Variants in PRDM10 observed in about 807,000 individuals in gnomAD.
PRDM10 encodes PR domain zinc finger protein 10.
Under a neutral mutation model 133.1 loss-of-function variants are expected in PRDM10, and 65 were observed. That is an observed-to-expected ratio of 0.49 (90% CI 0.40 to 0.60). PRDM10 has a LOEUF of 0.60. Ranked by LOEUF, PRDM10 falls within the 20% of genes least tolerant of loss-of-function variation. The pLI is 0.00. For synonymous variants in PRDM10, 582 were observed against 580.4 expected (o/e 1.00, Z -0.04); for missense variants, 1,137 against 1,507.1 (o/e 0.75, Z 4.07).
At chr11:129,930,995 C>A in intron 11 of PRDM10, 21 bp downstream of exon 11, 1 of 1,578,614 alleles carries the variant, frequency 6.3e-7, no homozygotes, top group East Asian at 2.3e-5. Context: ...GTGCCAGGAG[C>A]CGCCGGCTTT....
intron 1 of PRDM10, among the ~76,000 whole-genome samples, chr11:129,997,899 A>G (rs557586562): frequency 9.4e-4 from 143 of 152,224 alleles, no homozygotes; most frequent in Non-Finnish European, 1.7e-3. Context: ...CTAAAAAAAC[A>G]GACATCTACA....
chr11:129,975,444 A>G (rs557248443), intron 1 of PRDM10, among the ~76,000 whole-genome samples: 90 of 152,084 alleles, frequency 5.9e-4, no homozygotes, highest in Non-Finnish European at 1.0e-3. Context: ...AAAAATTTAC[A>G]CCTAAAAATA....
chr11:129,968,677 C>T (rs555533651), intron 1 of PRDM10, among the ~76,000 whole-genome samples: 54 of 149,940 alleles, frequency 3.6e-4, no homozygotes, highest in South Asian at 1.1e-3. Context: ...ACATCCAGAA[C>T]CCCCCAGGAC....
At chr11:129,915,442 T>C (rs1374117107) in intron 16 of PRDM10, among the ~76,000 whole-genome samples, 2 of 152,206 alleles carry the variant, frequency 1.3e-5, no homozygotes, top group South Asian at 2.1e-4. Flanking sequence ...AGCCAGCTGC[T>C]CGGGCTGCTG....
chr11:129,925,571 GA>G (rs1373231696), intron 11 of PRDM10, among the ~76,000 whole-genome samples: 2 of 152,200 alleles, frequency 1.3e-5, no homozygotes, highest in African/African-American at 2.4e-5. Context: ...GATAAAAATG[GA>G]AGATTTGGAG....
In PRDM10 at chr11:129,914,747, T is replaced by C; in HGVS notation, c.2798A>G (p.Gln933Arg). Residue 933 changes from glutamine to arginine, a missense_variant, in exon 17 of 21, where the codon CAG (glutamine) becomes CGG (arginine). Transcript: ENST00000360871. ...TTGCAGCTGTATGTGCTGAGGCTGC[T>C]GGAGGCCAGACGCCGACTGCGACAC... ...IPVSQSASGL[Q>R]QPQHIQLQVV... The C allele has an allele frequency of 6.2e-7, 1 of 1,614,220 alleles. No individual in the cohort carries two copies. Among genetic ancestry groups the C allele is most frequent in the Middle Eastern group, 1.6e-4 (1 of 6,062 alleles).
intron 4 of PRDM10, among the ~76,000 whole-genome samples, chr11:129,949,905 G>T (rs573430966): frequency 4.0e-5 from 6 of 151,860 alleles, no homozygotes; most frequent in Non-Finnish European, 8.8e-5. Context: ...TTGCACTCCA[G>T]CCTGGGTGAC....
At position 129,962,722 on chromosome 11, in the gene PRDM10, A is replaced by AT. The variant is rs535835111; in HGVS notation, c.-118-1641dup. ...TTTAAATTATACCCTAATAAAGTTG[A>AT]TTTTTTTTAAAGCATACCTTCCTTA... On this transcript the variant is annotated intron_variant, in intron 1 of 20. Transcript: ENST00000360871. Among the ~76,000 whole-genome samples the AT allele has an allele frequency of 1.4e-4, 21 of 152,180 alleles. 1 individual carries two copies. Among genetic ancestry groups the AT allele is most frequent in the Admixed American group, 2.6e-4 (4 of 15,260 alleles).
chr11:129,916,552 C>A (rs1028352099), intron 15 of PRDM10, among the ~76,000 whole-genome samples: 2 of 152,212 alleles, frequency 1.3e-5, no homozygotes, highest in Non-Finnish European at 2.9e-5. Flanking sequence ...GCAGGAGAAT[C>A]GCTTGAACCC....
At chr11:129,975,969 G>A (rs917469742) in intron 1 of PRDM10, among the ~76,000 whole-genome samples, 9 of 152,202 alleles carry the variant, frequency 5.9e-5, no homozygotes, top group Non-Finnish European at 5.9e-5. Context: ...ATGGGGAAGA[G>A]GCAATGATAT....
chr11:129,991,424 C>G (rs1179998150), intron 1 of PRDM10, among the ~76,000 whole-genome samples: 1 of 152,212 alleles, frequency 6.6e-6, no homozygotes, highest in Non-Finnish European at 1.5e-5. Flanking sequence ...TGGCTCACAC[C>G]TGTAATCCCC....
chr11:129,904,569 G>A (rs962866112), intron 20 of PRDM10, among the ~76,000 whole-genome samples: 3 of 151,810 alleles, frequency 2.0e-5, no homozygotes, highest in African/African-American at 4.8e-5. Flanking sequence ...GCATGATCTC[G>A]GCTCACTGCA....
At position 129,961,026 on chromosome 11, in the gene PRDM10, T is replaced by C; in HGVS notation, c.-62A>G. ...TAGAGCAGCACAGGGTACAGGACAG[T>C]CATCTGTCTACCACACGTGTGTTCA... On this transcript the variant is annotated 5_prime_UTR_variant, in exon 2 of 21. It removes the in-frame stop codon of an upstream open reading frame in the 5' UTR. Coordinates refer to ENST00000360871, the MANE Select transcript of PRDM10 (RefSeq NM_199437.2). 4 of 1,500,478 alleles carry C rather than the reference T, an allele frequency of 2.7e-6. No individual in the cohort carries two copies. The highest frequency in any genetic ancestry group is 1.1e-5 in the South Asian group (1 of 88,144). The allele number at this position is 1,500,478 out of a possible 1,614,324, so 92.9% of individuals were successfully genotyped here. A position where few individuals can be genotyped will look rare whatever the true frequency, so the allele number is the denominator to read the frequency against.
At chr11:130,001,706 T>C (rs1209116286) in intron 1 of PRDM10, among the ~76,000 whole-genome samples, 1 of 152,146 alleles carries the variant, frequency 6.6e-6, no homozygotes, top group Non-Finnish European at 1.5e-5. Context: ...CCATTTTACT[T>C]AGTAGAGTAT....
At chr11:129,902,661 G>C in intron 20 of PRDM10, 145 bp from the exon 21 acceptor site, 1 of 1,349,868 alleles carries the variant, frequency 7.4e-7, no homozygotes, top group East Asian at 2.5e-5. Flanking sequence ...GTCCTTTAGA[G>C]AGGGTGGATC....
At chr11:129,954,382 G>A (rs1363795107) in intron 4 of PRDM10, among the ~76,000 whole-genome samples, 1 of 150,816 alleles carries the variant, frequency 6.6e-6, no homozygotes, top group Non-Finnish European at 1.5e-5. Context: ...TGTGCCTCAG[G>A]CTCCCAAGTA....
At position 129,914,743 on chromosome 11, in the gene PRDM10, C is replaced by T; in HGVS notation, c.2802G>A (p.Gln934=). ...CCACTTGCAGCTGTATGTGCTGAGG[C>T]TGCTGGAGGCCAGACGCCGACTGCG... ...PVSQSASGLQ[Q]PQHIQLQVVQ... The change falls in exon 17 of 21, where the codon CAG becomes CAA. Residue 934 remains glutamine (Q), a synonymous_variant. Transcript: ENST00000360871. 1 of 1,614,232 alleles carries T rather than the reference C, an allele frequency of 6.2e-7. No homozygotes were observed. Among genetic ancestry groups the T allele is most frequent in the Non-Finnish European group, 8.5e-7 (1 of 1,180,034 alleles).
intron 2 of PRDM10, among the ~76,000 whole-genome samples, chr11:129,960,469 T>C (rs150752938): frequency 1.3e-5 from 2 of 152,142 alleles, no homozygotes; most frequent in African/African-American, 2.4e-5. Context: ...TGGAACAACT[T>C]TGACTTAGAG....
At chr11:129,962,410 C>T (rs999280099) in intron 1 of PRDM10, among the ~76,000 whole-genome samples, 4 of 152,204 alleles carry the variant, frequency 2.6e-5, no homozygotes, top group Non-Finnish European at 4.4e-5. Flanking sequence ...CATCCAGGTG[C>T]CTGTTCCTGC....
Sources: gnomAD v4.1 joint callset for allele counts (sites outside exome capture counted in the v4.1 genomes callset) on GRCh38, gnomAD v4.1.1 for gene constraint, MANE v1.5 for transcripts, NCBI Gene and HGNC (gene_info 2026-07-23, HGNC 2026-07-21) for gene names.